The following C2CD3 variants were observed in gnomAD, a reference collection of about 807,000 sequenced individuals.
C2CD3 encodes the protein C2 domain-containing protein 3.
C2CD3 carries 148 observed loss-of-function variants against 234.0 expected under a neutral mutation model. That is an observed-to-expected ratio of 0.63 (90% CI 0.55 to 0.72). The LOEUF is 0.72. C2CD3 is among the 30% of genes least tolerant of loss of function. The pLI is 0.00. For synonymous variants in C2CD3, 1,000 were observed against 1,035.4 expected (o/e 0.97, Z 0.66); for missense variants, 2,577 against 2,811.5 (o/e 0.92, Z 1.89).
intron 20 of C2CD3, among the ~76,000 whole-genome samples, chr11:74,087,275 G>A (rs1160184268): frequency 6.6e-6 from 1 of 152,030 alleles, no homozygotes; most frequent in Non-Finnish European, 1.5e-5. Flanking sequence ...CTTAAAAAAT[G>A]AGGATAGGCT....
intron 2 of C2CD3, among the ~76,000 whole-genome samples, chr11:74,162,709 G>A (rs929517061): frequency 6.6e-6 from 1 of 152,126 alleles, no homozygotes. Flanking sequence ...ATTTAGCATA[G>A]CAAGTATTTG....
chr11:74,168,639 G>A, intron 1 of C2CD3, 26 bp from the exon 2 acceptor site: 1 of 1,592,748 alleles, frequency 6.3e-7, no homozygotes, highest in Non-Finnish European at 8.6e-7. Context: ...AGAAAACTGA[G>A]TCAAAATTTA....
rs58129019 is a variant in C2CD3, at chr11:74,146,747, C to CACACACACACACACACACACACAT, written c.484-6920_484-6919insATGTGTGTGTGTGTGTGTGTGTGT. Among the ~76,000 whole-genome samples, 713 of 144,078 alleles carry CACACACACACACACACACACACAT rather than the reference C, an allele frequency of 4.9e-3. 8 individuals are homozygous for CACACACACACACACACACACACAT. Among genetic ancestry groups the CACACACACACACACACACACACAT allele is most frequent in the Middle Eastern group, 0.025 (7 of 282 alleles). The allele number at this position is 144,078 out of a possible 152,430, so 94.5% of individuals were successfully genotyped here. A position where few individuals can be genotyped will look rare whatever the true frequency, so the allele number is the denominator to read the frequency against. On this transcript the variant is annotated intron_variant, in intron 3 of 32. Coordinates refer to ENST00000334126, the MANE Select transcript of C2CD3 (RefSeq NM_001286577.2). ...ACACACACACACACACACACACACA[C>CACACACACACACACACACACACAT]AATTAACATATGAATTAAATTCCTG...
At position 74,109,104 on chromosome 11, in the gene C2CD3, G is replaced by A. The variant is rs747053365; in HGVS notation, c.1892C>T (p.Pro631Leu). The A allele has an allele frequency of 6.2e-7, 1 of 1,601,412 alleles. No homozygotes were observed. The highest frequency in any genetic ancestry group is 1.1e-5 in the South Asian group (1 of 89,426). The change falls in exon 12 of 33, where the codon CCA (proline) becomes CTA (leucine). Residue 631 changes from proline (P) to leucine (L), a missense_variant. Coordinates refer to ENST00000334126, the MANE Select transcript of C2CD3 (RefSeq NM_001286577.2). ...RFVFPVQFGGPMIEHWWNSNL... is the reference protein window; with the variant it reads ...RFVFPVQFGGLMIEHWWNSNL... Reference sequence around the variant, plus strand: ...GGAATTCCACCAGTGCTCTATCATTGGGCCACCAAACTGTACTGGAAACAC... The same window carrying A: ...GGAATTCCACCAGTGCTCTATCATTAGGCCACCAAACTGTACTGGAAACAC...
chr11:74,030,167 C>G (rs2135409858), intron 31 of C2CD3, among the ~76,000 whole-genome samples: 1 of 152,282 alleles, frequency 6.6e-6, no homozygotes, highest in Admixed American at 6.5e-5. Context: ...TACCACCCAG[C>G]TCTCTGTCAC....
chr11:74,018,034 G>A (rs1951940567), intron 32 of C2CD3, among the ~76,000 whole-genome samples: 1 of 152,210 alleles, frequency 6.6e-6, no homozygotes, highest in South Asian at 2.1e-4. Context: ...CAACCTAACT[G>A]TCTCACTCAC....
Position 74,042,101 on chromosome 11 carries a change from C to T in C2CD3, c.5613G>A (p.Leu1871=). ...GEAPLPCDDK[L]TTSPLSSQTS... is the part of the protein sequence containing the mutation. ...TTTGGGAGGACAAAGGTGATGTGGT[C>T]AGTTTGTCATCACATGGCAAGGGTG... Residue 1871 remains leucine, a synonymous_variant, in exon 29 of 33, where the codon CTG becomes CTA. Transcript: ENST00000334126. 6.2e-7 allele frequency: 1 copy of T among 1,613,800 alleles called. No homozygotes were observed. The highest frequency in any genetic ancestry group is 1.7e-4 in the Middle Eastern group (1 of 6,058).
chr11:74,072,393 A>G (rs971393722), intron 24 of C2CD3, among the ~76,000 whole-genome samples: 11 of 152,202 alleles, frequency 7.2e-5, no homozygotes, highest in Admixed American at 7.2e-4. Context: ...TTTCTGTTCT[A>G]AAGTAGTAAG....
At chr11:74,020,522 G>C (rs575006437) in intron 32 of C2CD3, among the ~76,000 whole-genome samples, 5 of 152,204 alleles carry the variant, frequency 3.3e-5, no homozygotes, top group African/African-American at 4.8e-5. Context: ...GGAAATGAGT[G>C]GTTTGGAGTC....
intron 3 of C2CD3, among the ~76,000 whole-genome samples, chr11:74,152,958 T>C (rs1855760442): frequency 1.3e-5 from 2 of 152,204 alleles, no homozygotes; most frequent in Non-Finnish European, 2.9e-5. Flanking sequence ...CCAGACATGA[T>C]GGCTCTCCTC....
At chr11:74,160,411 A>G (rs1341572966) in intron 3 of C2CD3, among the ~76,000 whole-genome samples, 1 of 152,140 alleles carries the variant, frequency 6.6e-6, no homozygotes, top group Non-Finnish European at 1.5e-5. Flanking sequence ...TACAATAAAA[A>G]AGAATGAAAT....
At chr11:74,083,988 G>A (rs1955520729) in intron 22 of C2CD3, among the ~76,000 whole-genome samples, 1 of 152,144 alleles carries the variant, frequency 6.6e-6, no homozygotes, top group African/African-American at 2.4e-5. Context: ...AAAGACACAT[G>A]CATATGTATG....
chr11:74,071,880 G>C (rs1954808971), intron 24 of C2CD3, among the ~76,000 whole-genome samples: 1 of 152,012 alleles, frequency 6.6e-6, no homozygotes, highest in Non-Finnish European at 1.5e-5. Context: ...TTTGCCAAGT[G>C]ATATTATAAA....
intron 3 of C2CD3, among the ~76,000 whole-genome samples, chr11:74,141,365 G>A (rs919709554): frequency 6.6e-6 from 1 of 152,310 alleles, no homozygotes. Context: ...ACTGTTAACA[G>A]CATCACATAA....
intron 22 of C2CD3, among the ~76,000 whole-genome samples, chr11:74,083,107 A>T (rs568721709): frequency 0.022 from 3,312 of 149,762 alleles, 67 homozygotes; most frequent in African/African-American, 0.05. Context: ...ATTGACCAAT[A>T]GACAGAACAG....
intron 7 of C2CD3, among the ~76,000 whole-genome samples, chr11:74,131,197 C>T (rs971087872): frequency 4.6e-5 from 7 of 151,518 alleles, no homozygotes; most frequent in African/African-American, 1.7e-4. Flanking sequence ...GTGGCTCACG[C>T]CTGTAATCCC....
chr11:74,081,604 TTCATCATCATCATCATCATCACCA>T (rs1355871212), intron 22 of C2CD3, among the ~76,000 whole-genome samples: 1 of 151,426 alleles, frequency 6.6e-6, no homozygotes, highest in East Asian at 1.9e-4. Flanking sequence ...TGCCATATTC[TTCATCATCATCATCATCATCACCA>T]TCATCATCAT....
At chr11:74,079,677 G>GCTCAGATAC (rs1433820758) in intron 22 of C2CD3, among the ~76,000 whole-genome samples, 1 of 151,784 alleles carries the variant, frequency 6.6e-6, no homozygotes, top group East Asian at 1.9e-4. Context: ...GAAAGTGGAA[G>GCTCAGATAC]CTCAGATACC....
chr11:74,111,865 G>A (rs1296302752), intron 11 of C2CD3, among the ~76,000 whole-genome samples: 4 of 149,556 alleles, frequency 2.7e-5, no homozygotes, highest in Non-Finnish European at 1.5e-5. Context: ...TTCTTCCAAC[G>A]TGGCCCATGG....
Sources: gnomAD v4.1 joint callset for allele counts (sites outside exome capture counted in the v4.1 genomes callset) on GRCh38, gnomAD v4.1.1 for gene constraint, MANE v1.5 for transcripts, NCBI Gene and HGNC (gene_info 2026-07-23, HGNC 2026-07-21) for gene names.